The following BCOR variants were observed in gnomAD, a reference collection of about 807,000 sequenced individuals.
The protein encoded by BCOR is BCL-6 corepressor.
A neutral mutation model predicts 86.7 loss-of-function variants in BCOR; 10 were observed. The observed-to-expected ratio is 0.12, with a 90% CI of 0.07 to 0.20. BCOR has a LOEUF of 0.20. BCOR is among the 10% of genes least tolerant of loss of function. The pLI, the probability that BCOR is intolerant of heterozygous loss-of-function variation, is 1.00. For missense variants in BCOR, 1,259 were observed against 1,452.1 expected (o/e 0.87, Z 2.16); for synonymous variants, 611 against 609.0 (o/e 1.00, Z -0.05).
intron 1 of BCOR, among the ~76,000 whole-genome samples, chrX:40,114,933 C>G (rs1368236876): frequency 1.0e-5 from 1 of 100,110 alleles, no homozygotes; most frequent in Non-Finnish European, 2.0e-5. Flanking sequence ...GCTCACTGCA[C>G]GCTCCACCTC....
chrX:40,133,608 G>A (rs1937627599), intron 1 of BCOR, among the ~76,000 whole-genome samples: 1 of 110,395 alleles, frequency 9.1e-6, no homozygotes. Context: ...TACAGGCGAC[G>A]GCCACCACGC....
intron 1 of BCOR, among the ~76,000 whole-genome samples, chrX:40,153,860 G>T (rs1938223101): frequency 9.0e-6 from 1 of 111,661 alleles, no homozygotes; most frequent in African/African-American, 3.3e-5. Context: ...GAGCCGCAGC[G>T]AGAGGCAGTG....
chrX:40,117,766 C>T (rs767049956), intron 1 of BCOR, among the ~76,000 whole-genome samples: 1 of 110,732 alleles, frequency 9.0e-6, no homozygotes, highest in East Asian at 2.9e-4. Context: ...TTGGGCAAGT[C>T]GCTCACCCTC....
Position 40,064,424 on chromosome X carries a change from G to T in BCOR, c.3414C>A (p.Val1138=). 8.2e-7 allele frequency: 1 copy of T among 1,212,406 alleles called. No homozygotes were observed. The change falls in exon 7 of 15, where the codon GTC becomes GTA. Residue 1138 remains valine, a synonymous_variant. Coordinates refer to ENST00000378444, the MANE Select transcript of BCOR (RefSeq NM_001123385.2). The part of the protein sequence containing the change: ...PTLRVDRKRK[V]SGDSSHTETT... ...TCTCAGTGTGGCTGCTGTCACCTGA[G>T]ACTTTGCGTTTCCTGTCCACCCGGA... is the stretch of plus-strand genomic sequence containing the variant.
intron 1 of BCOR, among the ~76,000 whole-genome samples, chrX:40,114,492 C>T (rs1019170762): frequency 5.4e-5 from 6 of 111,568 alleles, no homozygotes; most frequent in Non-Finnish European, 9.4e-5. Context: ...CAAACCAGAG[C>T]CTTCTTAGAG....
intron 6 of BCOR, among the ~76,000 whole-genome samples, chrX:40,069,329 C>T (rs1250818223): frequency 8.9e-6 from 1 of 112,139 alleles, no homozygotes; most frequent in East Asian, 2.8e-4. Flanking sequence ...TGACTTATGG[C>T]TTGCAGGGCC....
intron 1 of BCOR, among the ~76,000 whole-genome samples, chrX:40,130,087 C>T (rs1352008652): frequency 9.0e-6 from 1 of 111,250 alleles, no homozygotes; most frequent in African/African-American, 3.3e-5. Flanking sequence ...TACCACCCTC[C>T]GGGCCTTCTC....
chrX:40,052,525 A>G (rs1288441414), intron 14 of BCOR, 125 bp from the exon 15 acceptor site: 1 of 442,999 alleles, frequency 2.3e-6, no homozygotes, highest in East Asian at 4.4e-5. Flanking sequence ...CCCACCCCTC[A>G]TTTCTCACCA....
At chrX:40,067,502 T>A (rs1935262817) in intron 6 of BCOR, among the ~76,000 whole-genome samples, 1 of 112,129 alleles carries the variant, frequency 8.9e-6, no homozygotes, top group Non-Finnish European at 1.9e-5. Context: ...CCCTTCTGCC[T>A]CCTGAATAGT....
At chrX:40,123,971 C>A (rs1937517881) in intron 1 of BCOR, among the ~76,000 whole-genome samples, 1 of 111,383 alleles carries the variant, frequency 9.0e-6, no homozygotes, top group South Asian at 3.8e-4. Context: ...AAAGGGCCAC[C>A]ATGTAATGAA....
At chrX:40,054,136 T>C in intron 13 of BCOR, 94 bp from the exon 14 acceptor site, 1 of 1,123,267 alleles carries the variant, frequency 8.9e-7, no homozygotes, top group Non-Finnish European at 1.2e-6. Context: ...ATAACAAGAT[T>C]CTTTCCCAAG....
Position 40,073,698 on chromosome X carries a change from T to C in BCOR, c.1648A>G (p.Thr550Ala). The change falls in exon 4 of 15, where the codon ACC (threonine) becomes GCC (alanine). Residue 550 changes from threonine to alanine, a missense_variant. Physicochemically the swap from Thr to Ala is moderately conservative, Grantham distance 58. Transcript: ENST00000378444. The stretch of plus-strand genomic sequence containing the variant: ...GAAACGTTAGTGATGACAGCATCGG[T>C]GCCGCCCATGCGCGGGCATGATGAA... ...RSSSCPRMGG[T>A]DAVITNVSGS... is the part of the protein sequence containing the mutation. The C allele has an allele frequency of 8.2e-7, 1 of 1,212,518 alleles. No individual in the cohort carries two copies. The highest frequency in any genetic ancestry group is 1.1e-6 in the Non-Finnish European group (1 of 895,646).
intron 6 of BCOR, among the ~76,000 whole-genome samples, chrX:40,069,401 G>A (rs988014484): frequency 8.9e-6 from 1 of 112,019 alleles, no homozygotes; most frequent in African/African-American, 3.2e-5. Flanking sequence ...CTTACAGAAA[G>A]GGAAAGGGAG....
Position 40,115,029 on chromosome X carries a change from T to C in BCOR, c.-40-37060A>G, listed in dbSNP as rs181926755. ...CACCACGCCCGACTAATTTTTTGTA[T>C]TTTTAGTAGAGACGGGGTTTCATTG... On this transcript the variant is annotated intron_variant, in intron 1 of 14. Transcript: ENST00000342274. Among the ~76,000 whole-genome samples, 49 of 110,163 alleles carry C rather than the reference T, an allele frequency of 4.4e-4. No individual in the cohort carries two copies. In the East Asian group the frequency reaches 0.013, roughly 30 times the overall value.
chrX:40,144,649 A>G (rs1032372423), intron 1 of BCOR, among the ~76,000 whole-genome samples: 3 of 111,227 alleles, frequency 2.7e-5, no homozygotes, highest in Non-Finnish European at 5.7e-5. Context: ...CTTTTAACGG[A>G]CCCTCCACTT....
At chrX:40,135,003 A>G (rs1379923418) in intron 1 of BCOR, among the ~76,000 whole-genome samples, 1 of 111,651 alleles carries the variant, frequency 9.0e-6, no homozygotes, top group Non-Finnish European at 1.9e-5. Flanking sequence ...AATTCATTGA[A>G]AGGAGGCCCA....
At chrX:40,175,390 G>A (rs1938723120) in intron 1 of BCOR, among the ~76,000 whole-genome samples, 1 of 113,475 alleles carries the variant, frequency 8.8e-6, no homozygotes, top group South Asian at 3.5e-4. Flanking sequence ...TTCGGGTTGA[G>A]CAAACGTGGT....
rs757108346 is a variant in BCOR at position 40,159,073 on chromosome X, C to T, written c.-41+17934G>A. On this transcript the variant is annotated intron_variant, in intron 1 of 14. Coordinates refer to the BCOR transcript ENST00000342274. ...ATCTTTATTTCTAAAAATGTAGAAT[C>T]AGTTCGGGGGGGAGGGGAGGGTAAA... Among the ~76,000 whole-genome samples the T allele has an allele frequency of 6.6e-5, 7 of 106,786 alleles. No individual in the cohort carries two copies. In the South Asian group the frequency reaches 2.4e-3, roughly 37 times the overall value. The allele number at this position is 106,786 out of a possible 115,157, so 92.7% of individuals were successfully genotyped here.
intron 1 of BCOR, among the ~76,000 whole-genome samples, chrX:40,106,883 C>T (rs952987861): frequency 9.0e-6 from 1 of 110,671 alleles, no homozygotes; most frequent in African/African-American, 3.3e-5. Context: ...AACACAGAGC[C>T]GCCGGCCTCC....
Sources: allele counts gnomAD v4.1 joint callset (sites outside exome capture counted in the v4.1 genomes callset), GRCh38; gene constraint gnomAD v4.1.1; transcripts MANE v1.5; gene names NCBI Gene and HGNC (gene_info 2026-07-23, HGNC 2026-07-21).